The following TEX15 variants were observed in gnomAD, a reference collection of about 807,000 sequenced individuals.
TEX15 encodes the protein testis-expressed protein 15.
TEX15 carries 171 observed loss-of-function variants against 237.3 expected under a neutral mutation model. The observed-to-expected ratio is 0.72, with a 90% CI of 0.64 to 0.82. The LOEUF is 0.82. TEX15 is among the 40% of genes least tolerant of loss of function. The pLI is 0.00. For missense variants in TEX15, 3,750 were observed against 3,646.5 expected (o/e 1.03, Z -0.73); for synonymous variants, 1,338 against 1,269.8 (o/e 1.05, Z -1.14).
intron 9 of TEX15, among the ~76,000 whole-genome samples, chr8:30,839,247 C>T (rs1807389776): frequency 6.6e-6 from 1 of 152,110 alleles, no homozygotes; most frequent in African/African-American, 2.4e-5. Context: ...TCACATATCC[C>T]ACTCAACAAA....
At chr8:30,869,457 G>A (rs953156780) in intron 4 of TEX15, among the ~76,000 whole-genome samples, 3 of 151,932 alleles carry the variant, frequency 2.0e-5, no homozygotes, top group African/African-American at 7.3e-5. Flanking sequence ...AACCATTTTG[G>A]CCAAATGAAG....
In TEX15 at chr8:30,843,074, C is replaced by G; in HGVS notation, c.7093G>C (p.Ala2365Pro). The change falls in exon 8 of 11, where the codon GCA becomes CCA. Residue 2365 changes from alanine (A) to proline (P), a missense_variant. Transcript: ENST00000643185. ...CTAATACAACAAATATCTGGGTGTGCAAGCAAATTACTGTTAAATTTAGAA... is the reference window on the plus strand; with the variant it reads ...CTAATACAACAAATATCTGGGTGTGGAAGCAAATTACTGTTAAATTTAGAA... ...ENSKFNSNLL[A>P]HPDICCISEI... 2 of 1,613,210 alleles carry G rather than the reference C, an allele frequency of 1.2e-6. No individual in the cohort carries two copies. The highest frequency in any genetic ancestry group is 1.7e-6 in the Non-Finnish European group (2 of 1,179,636).
At chr8:30,856,400 T>A (rs1457084307) in intron 7 of TEX15, among the ~76,000 whole-genome samples, 5 of 151,480 alleles carry the variant, frequency 3.3e-5, no homozygotes, top group East Asian at 3.9e-4. Flanking sequence ...CAAAAAAAAA[T>A]ACAAAATTAG....
chr8:30,850,616 T>C (rs1010559593), intron 7 of TEX15, among the ~76,000 whole-genome samples: 1 of 152,138 alleles, frequency 6.6e-6, no homozygotes, highest in African/African-American at 2.4e-5. Context: ...TGTAGTTCTT[T>C]AGAGTGGGGA....
At chr8:30,895,090 G>A (rs1268747767) in intron 2 of TEX15, among the ~76,000 whole-genome samples, 1 of 152,010 alleles carries the variant, frequency 6.6e-6, no homozygotes, top group African/African-American at 2.4e-5. Flanking sequence ...CAAGACAGAG[G>A]ATTTTTAGAA....
intron 1 of TEX15, among the ~76,000 whole-genome samples, chr8:30,902,640 G>A (rs1450054494): frequency 1.3e-5 from 2 of 152,118 alleles, no homozygotes; most frequent in African/African-American, 4.8e-5. Flanking sequence ...AAAAAACTAT[G>A]GTTCATCCTT....
In TEX15 at chr8:30,887,275, C is replaced by A. The variant is rs1460912452; in HGVS notation, c.28G>T (p.Asp10Tyr). 6.5e-7 allele frequency: 1 copy of A among 1,534,588 alleles called. No homozygotes were observed. Among genetic ancestry groups the A allele is most frequent in the Non-Finnish European group, 8.7e-7 (1 of 1,146,446 alleles). Reference protein sequence around the residue: MEMKETAKQDTLWQMSSTSK... With the variant: MEMKETAKQYTLWQMSSTSK... ...GTTGAGCTCATTTGCCACAGTGTAT[C>A]CTGTTTAGCAGTTTCTTTCATTTCC... Residue 10 changes from aspartate to tyrosine, a missense_variant, in exon 3 of 11, where the codon GAT (aspartate) becomes TAT (tyrosine). Coordinates refer to ENST00000643185, the MANE Select transcript of TEX15 (RefSeq NM_001350162.2).
intron 3 of TEX15, among the ~76,000 whole-genome samples, chr8:30,876,062 A>T (rs1440464583): frequency 6.6e-6 from 1 of 152,040 alleles, no homozygotes; most frequent in Non-Finnish European, 1.5e-5. Flanking sequence ...GATCCTCTCC[A>T]ACCTTGGCCT....
At chr8:30,888,003 T>C (rs1352969650) in intron 2 of TEX15, among the ~76,000 whole-genome samples, 2 of 149,192 alleles carry the variant, frequency 1.3e-5, no homozygotes, top group African/African-American at 4.9e-5. Flanking sequence ...GTCTCCCTGC[T>C]CCTGAAAAGC....
chr8:30,908,725 C>T (rs760502434), intron 1 of TEX15, among the ~76,000 whole-genome samples: 1 of 152,218 alleles, frequency 6.6e-6, no homozygotes, highest in Admixed American at 6.5e-5. Context: ...ATGTGTTCAT[C>T]TCTCGATATT....
In TEX15 at chr8:30,860,145, T is replaced by C. The variant is rs573738082; in HGVS notation, c.541-88A>G. ...ACATTTCAAACATAAAAGGCTAACA[T>C]TGCTTTGTTTTTCTGAGACAGGGTC... On this transcript the variant is annotated intron_variant, in intron 5 of 10. Coordinates refer to ENST00000643185, the MANE Select transcript of TEX15 (RefSeq NM_001350162.2). 4 of 1,171,664 alleles carry C rather than the reference T, an allele frequency of 3.4e-6. No individual in the cohort carries two copies. The South Asian group carries it at 5.5e-5, about 16-fold the overall frequency. The allele number at this position is 1,171,664 out of a possible 1,614,324, so 72.6% of individuals were successfully genotyped here.
chr8:30,855,913 G>T (rs1807900821), intron 7 of TEX15, among the ~76,000 whole-genome samples: 1 of 151,996 alleles, frequency 6.6e-6, no homozygotes, highest in African/African-American at 2.4e-5. Context: ...TAGGGCTGGG[G>T]GTCAGGGATA....
Position 30,837,868 on chromosome 8 carries a change from C to T in TEX15, c.8416G>A (p.Asp2806Asn). Residue 2806 changes from aspartate (D) to asparagine (N), a missense_variant, in exon 10 of 11, where the codon GAT becomes AAT. By Grantham distance (23) the Asp-to-Asn change is conservative (BLOSUM62 1). Transcript: ENST00000643185. ...TTTTCCTGTTGTCCACTGAAGTGAT[C>T]AGATGAAACAGTTAAGTCTATTTTG... ...ESKIDLTVSSDHFSGQQENLN... is the reference protein window; with the variant it reads ...ESKIDLTVSSNHFSGQQENLN... 6.2e-7 allele frequency: 1 copy of T among 1,614,124 alleles called. No homozygotes were observed. The highest frequency in any genetic ancestry group is 8.5e-7 in the Non-Finnish European group (1 of 1,180,018).
intron 5 of TEX15, among the ~76,000 whole-genome samples, chr8:30,862,469 A>G (rs1808071078): frequency 6.6e-6 from 1 of 152,234 alleles, no homozygotes; most frequent in Admixed American, 6.5e-5. Context: ...ATGTCTATAT[A>G]CATGAATAGA....
intron 7 of TEX15, among the ~76,000 whole-genome samples, chr8:30,850,843 A>C (rs184610381): frequency 6.6e-6 from 1 of 152,186 alleles, no homozygotes. Flanking sequence ...ATAGGTCAAA[A>C]TGCATGATAA....
chr8:30,872,078 G>GT (rs2128772678), intron 4 of TEX15, among the ~76,000 whole-genome samples: 1 of 152,138 alleles, frequency 6.6e-6, no homozygotes, highest in Admixed American at 6.6e-5. Flanking sequence ...ATGGGTGAGA[G>GT]TAAGAATGTC....
In TEX15 at chr8:30,859,238, T is replaced by A. The variant is rs1226465680; in HGVS notation, c.688-408A>T. 2.0e-5 allele frequency among the ~76,000 whole-genome samples: 3 copies of A among 152,058 alleles called. No individual in the cohort carries two copies. In the South Asian group the frequency reaches 6.2e-4, roughly 32 times the overall value. ...TCTTCATTTAATCATAATATGATTA[T>A]ATATAATCCATATATAATTTAATAT... On this transcript the variant is annotated intron_variant, in intron 6 of 10. Transcript: ENST00000643185.
At chr8:30,867,116 T>C in intron 5 of TEX15, 149 bp downstream of exon 5, 1 of 319,724 alleles carries the variant, frequency 3.1e-6, no homozygotes, top group Middle Eastern at 8.9e-4. Context: ...AAATTTTGAA[T>C]AATGATGACA....
At chr8:30,833,781 T>C (rs1451231606) in intron 10 of TEX15, among the ~76,000 whole-genome samples, 2 of 152,212 alleles carry the variant, frequency 1.3e-5, no homozygotes, top group Non-Finnish European at 2.9e-5. Flanking sequence ...GCTTATAACA[T>C]TGCAATTGCC....
Sources: allele counts gnomAD v4.1 joint callset (sites outside exome capture counted in the v4.1 genomes callset), GRCh38; gene constraint gnomAD v4.1.1; transcripts MANE v1.5; gene names NCBI Gene and HGNC (gene_info 2026-07-23, HGNC 2026-07-21).